UTRN: variants seen among roughly 807,000 people sequenced by gnomAD.
The protein encoded by UTRN is dystrophin-related protein 1.
In UTRN, 283 loss-of-function variants were observed where a neutral mutation model predicts 463.9. That is an observed-to-expected ratio of 0.61 (90% CI 0.55 to 0.67). UTRN has a LOEUF of 0.67. UTRN is among the 30% of genes least tolerant of loss of function. The pLI is 0.00. For synonymous variants in UTRN, 1,442 were observed against 1,431.5 expected, an observed-to-expected ratio of 1.01 and a Z score of -0.17; for missense variants, 3,922 against 4,084.3, an observed-to-expected ratio of 0.96 and a Z score of 1.08.
chr6:144,394,970 A>G (rs1341430930), intron 2 of UTRN, among the ~76,000 whole-genome samples: 1 of 152,126 alleles, frequency 6.6e-6, no homozygotes, highest in Non-Finnish European at 1.5e-5. Context: ...TACATTCAAA[A>G]TGTTTTCCCC....
chr6:144,591,107 G>C (rs1213060534), intron 51 of UTRN, among the ~76,000 whole-genome samples: 1 of 151,996 alleles, frequency 6.6e-6, no homozygotes, highest in Non-Finnish European at 1.5e-5. Flanking sequence ...TGTGGTGATG[G>C]CATCATAATC....
rs35174941 is a variant in UTRN at position 144,441,482 on chromosome 6, G to A, written c.1512+1011G>A. 5.1e-3 allele frequency among the ~76,000 whole-genome samples: 779 copies of A among 152,346 alleles called. 3 individuals are homozygous for A. The highest frequency in any genetic ancestry group is 7.7e-3 in the Non-Finnish European group (523 of 68,034). On this transcript the variant is annotated intron_variant, in intron 13 of 74. Transcript: ENST00000367545. ...CATCCAGGTCACGCCTATGCAAGAG[G>A]TAGGTTCCCATGGTCTTGGGCAGTG...
At chr6:144,469,019 C>T (rs1161608346) in intron 23 of UTRN, among the ~76,000 whole-genome samples, 2 of 152,210 alleles carry the variant, frequency 1.3e-5, no homozygotes, top group African/African-American at 2.4e-5. Flanking sequence ...GTGGAAACGC[C>T]GAGTGAATCT....
intron 51 of UTRN, among the ~76,000 whole-genome samples, chr6:144,645,505 A>C (rs1408710128): frequency 6.6e-6 from 1 of 152,230 alleles, no homozygotes; most frequent in Non-Finnish European, 1.5e-5. Context: ...TAATGGAAAT[A>C]GGATTCACGT....
At chr6:144,696,095 C>G (rs1209727833) in intron 52 of UTRN, among the ~76,000 whole-genome samples, 1 of 152,132 alleles carries the variant, frequency 6.6e-6, no homozygotes, top group Non-Finnish European at 1.5e-5. Flanking sequence ...AGAAGATTAA[C>G]CTTTAACATC....
Position 144,851,825 on chromosome 6 carries a change from CATTATAATA to C in UTRN, c.*831_*839del, listed in dbSNP as rs1449701711. 1.3e-5 allele frequency: 2 copies of C among 152,156 alleles called. No homozygotes were observed. The highest frequency in any genetic ancestry group is 4.8e-5 in the African/African-American group (2 of 41,436). The allele number at this position is 152,156 out of a possible 1,614,324, so 9.4% of individuals were successfully genotyped here. A position where few individuals can be genotyped will look rare whatever the true frequency, so the allele number is the denominator to read the frequency against. On this transcript the variant is annotated 3_prime_UTR_variant, in exon 75 of 75. Coordinates refer to ENST00000367545, the MANE Select transcript of UTRN (RefSeq NM_007124.3). ...TTAATCTATTTGATAAAGAAGACTA[CATTATAATA>C]ATCTCAAAGATCATATTACCAAAGG...
At chr6:144,444,981 A>T (rs1386802110) in intron 14 of UTRN, among the ~76,000 whole-genome samples, 1 of 152,188 alleles carries the variant, frequency 6.6e-6, no homozygotes, top group Non-Finnish European at 1.5e-5. Flanking sequence ...GTCTTTCCAG[A>T]AAAGCAACCA....
chr6:144,436,430 A>G (rs141313454), intron 10 of UTRN, among the ~76,000 whole-genome samples: 1 of 152,320 alleles, frequency 6.6e-6, no homozygotes, highest in African/African-American at 2.4e-5. Context: ...TTATATTTCA[A>G]AAGCAAACGA....
intron 43 of UTRN, among the ~76,000 whole-genome samples, chr6:144,536,027 G>A (rs1797500563): frequency 6.6e-6 from 1 of 152,166 alleles, no homozygotes. Context: ...TGATCCTCCT[G>A]CCTCAGTCTC....
At chr6:144,431,265 A>T (rs937785114) in intron 9 of UTRN, among the ~76,000 whole-genome samples, 6 of 152,208 alleles carry the variant, frequency 3.9e-5, no homozygotes, top group African/African-American at 1.2e-4. Context: ...TTTACTTTTC[A>T]TGATGTGTAG....
intron 65 of UTRN, among the ~76,000 whole-genome samples, chr6:144,804,628 A>C (rs1006385048): frequency 1.3e-5 from 2 of 152,196 alleles, no homozygotes; most frequent in Non-Finnish European, 2.9e-5. Context: ...ATTGGTCAGC[A>C]TCAGTTCCAT....
chr6:144,757,104 TA>T (rs1269936922), intron 57 of UTRN, among the ~76,000 whole-genome samples: 2 of 152,042 alleles, frequency 1.3e-5, no homozygotes, highest in Non-Finnish European at 2.9e-5. Flanking sequence ...TTTGAATTTT[TA>T]TATTTGTTCA....
chr6:144,540,205 T>C (rs896503158), intron 45 of UTRN, among the ~76,000 whole-genome samples: 2 of 150,738 alleles, frequency 1.3e-5, no homozygotes, highest in African/African-American at 4.8e-5. Flanking sequence ...CTAATATCTT[T>C]CCCTCCTACC....
intron 9 of UTRN, among the ~76,000 whole-genome samples, chr6:144,433,866 G>C (rs948126904): frequency 6.6e-6 from 1 of 150,952 alleles, no homozygotes; most frequent in African/African-American, 2.4e-5. Flanking sequence ...AGACTGGGCA[G>C]CCAGGCAGAG....
intron 2 of UTRN, among the ~76,000 whole-genome samples, chr6:144,349,300 G>A (rs965774740): frequency 6.6e-6 from 1 of 152,132 alleles, no homozygotes; most frequent in South Asian, 2.1e-4. Context: ...GAGCCACGGC[G>A]CCTGGCCCTG....
At chr6:144,617,176 G>A (rs1806213826) in intron 51 of UTRN, among the ~76,000 whole-genome samples, 1 of 152,166 alleles carries the variant, frequency 6.6e-6, no homozygotes, top group Non-Finnish European at 1.5e-5. Flanking sequence ...TCTGCACATT[G>A]TGAGTTCTTA....
At chr6:144,456,653 AAATAATAATAATAATAATAAT>A (rs57694055) in intron 19 of UTRN, among the ~76,000 whole-genome samples, 2 of 140,588 alleles carry the variant, frequency 1.4e-5, no homozygotes, top group South Asian at 2.3e-4. Flanking sequence ...CTCTGTCTCA[AAATAATAATAATAATAATAAT>A]AATAATAATA....
At chr6:144,624,428 G>A (rs1230788590) in intron 51 of UTRN, among the ~76,000 whole-genome samples, 4 of 152,158 alleles carry the variant, frequency 2.6e-5, no homozygotes, top group East Asian at 1.9e-4. Flanking sequence ...GCCAACAACC[G>A]AAGAATGGAA....
At chr6:144,317,761 T>A (rs1775376671) in intron 2 of UTRN, among the ~76,000 whole-genome samples, 1 of 152,226 alleles carries the variant, frequency 6.6e-6, no homozygotes, top group African/African-American at 2.4e-5. Flanking sequence ...CTCTTACCTT[T>A]CTTTTTATAA....
Sources: allele counts gnomAD v4.1 joint callset (sites outside exome capture counted in the v4.1 genomes callset), GRCh38; gene constraint gnomAD v4.1.1; transcripts MANE v1.5; gene names NCBI Gene and HGNC (gene_info 2026-07-23, HGNC 2026-07-21).